The following IFNAR1 variants were observed in gnomAD, a reference collection of about 807,000 sequenced individuals.
IFNAR1 encodes interferon alpha/beta receptor 1.
Under a neutral mutation model 62.1 loss-of-function variants are expected in IFNAR1, and 47 were observed. The observed-to-expected ratio is 0.76, with a 90% CI of 0.60 to 0.97. IFNAR1 has a LOEUF of 0.97. IFNAR1 is among the 50% of genes least tolerant of loss of function. IFNAR1 has a pLI of 0.00. For missense variants in IFNAR1, 638 were observed against 654.5 expected, an observed-to-expected ratio of 0.97 and a Z score of 0.27; for synonymous variants, 219 against 226.9, an observed-to-expected ratio of 0.97 and a Z score of 0.31.
At chr21:33,335,750 T>G (rs1027199195) in intron 2 of IFNAR1, 103 bp downstream of exon 2, 17 of 977,632 alleles carry the variant, frequency 1.7e-5, no homozygotes, top group African/African-American at 1.7e-4. Flanking sequence ...GTTTTTCTAT[T>G]TTTTAGAAAT....
rs373870397 is a variant in IFNAR1, at chr21:33,330,232, G to A, written c.76+5101G>A. Among the ~76,000 whole-genome samples the A allele has an allele frequency of 1.8e-4, 28 of 152,176 alleles. No individual in the cohort carries two copies. In the South Asian group the frequency reaches 3.3e-3, roughly 18 times the overall value. On this transcript the variant is annotated intron_variant, in intron 1 of 10. Coordinates refer to ENST00000270139, the MANE Select transcript of IFNAR1 (RefSeq NM_000629.3). ...TCTTGATTGGTCATTGCTCCTTCTC[G>A]TCACAAAAGCGCAAAGAGATGGGCG...
chr21:33,334,761 TG>T (rs2083216963), intron 1 of IFNAR1: 10 of 787,740 alleles, frequency 1.3e-5, no homozygotes, highest in Non-Finnish European at 2.3e-5. Context: ...GAGGGGCAGC[TG>T]GATGTCCAGA....
chr21:33,359,529 G>C lies in IFNAR1; in HGVS notation c.*3980G>C, dbSNP rs1300912618. 1 of 152,172 alleles carries C rather than the reference G, an allele frequency of 6.6e-6. No individual in the cohort carries two copies. Among genetic ancestry groups the C allele is most frequent in the Non-Finnish European group, 1.5e-5 (1 of 68,044 alleles). 9.4% of individuals were successfully genotyped at this position (152,172 alleles called of 1,614,324 possible). A position where few individuals can be genotyped will look rare whatever the true frequency, so the allele number is the denominator to read the frequency against. ...TTCCCGCTCTTAAGACATGGCTGGA[G>C]CTCAGTCTTCATTGAATGAAGTTTG... On this transcript the variant is annotated 3_prime_UTR_variant, in exon 11 of 11. Coordinates refer to ENST00000270139, the MANE Select transcript of IFNAR1 (RefSeq NM_000629.3).
chr21:33,343,228 T>C (rs757487290), intron 3 of IFNAR1, 40 bp from the exon 4 acceptor site: 4 of 1,572,790 alleles, frequency 2.5e-6, no homozygotes, highest in Non-Finnish European at 3.5e-6. Flanking sequence ...TGGCATTGTA[T>C]TAATAAAGTT....
intron 10 of IFNAR1, among the ~76,000 whole-genome samples, chr21:33,354,141 G>A (rs1158331958): frequency 5.3e-5 from 8 of 152,156 alleles, no homozygotes; most frequent in Admixed American, 4.6e-4. Flanking sequence ...TCAGGAGTTC[G>A]AGACCAGCCT....
At chr21:33,331,268 T>A (rs951709209) in intron 1 of IFNAR1, among the ~76,000 whole-genome samples, 2 of 152,078 alleles carry the variant, frequency 1.3e-5, no homozygotes, top group Non-Finnish European at 2.9e-5. Context: ...CATGCACCCC[T>A]GTGCCTAAGC....
At chr21:33,347,548 T>C (rs774538101) in intron 6 of IFNAR1, among the ~76,000 whole-genome samples, 4 of 152,170 alleles carry the variant, frequency 2.6e-5, no homozygotes, top group Non-Finnish European at 5.9e-5. Context: ...ATTAGAGGCA[T>C]GAGCCACCAT....
intron 5 of IFNAR1, 85 bp downstream of exon 5, chr21:33,343,761 C>A: frequency 1.2e-6 from 1 of 805,966 alleles, no homozygotes; most frequent in Non-Finnish European, 2.0e-6. Flanking sequence ...CTGAAGTTTA[C>A]ATGATAGGTC....
At position 33,353,644 on chromosome 21, in the gene IFNAR1, C is replaced by T. The variant is rs1226713825; in HGVS notation, c.1301C>T (p.Thr434Ile). The T allele has an allele frequency of 3.2e-6, 5 of 1,541,006 alleles. No individual in the cohort carries two copies. Among genetic ancestry groups the T allele is most frequent in the Middle Eastern group, 1.7e-4 (1 of 5,894 alleles). ...AVCEKTKPGN[T>I]SKIWLIVGIC... ...ATCACGTATATCTTTTTAGGAAATACCTCTAAAATTTGGCTTATAGTTGGA... is the reference window on the plus strand; with the variant it reads ...ATCACGTATATCTTTTTAGGAAATATCTCTAAAATTTGGCTTATAGTTGGA... Residue 434 changes from threonine (T) to isoleucine (I), a missense_variant, in exon 10 of 11, where the codon ACC (threonine) becomes ATC (isoleucine). Transcript: ENST00000270139.
intron 1 of IFNAR1, among the ~76,000 whole-genome samples, chr21:33,333,795 T>C (rs1323687586): frequency 2.0e-5 from 3 of 151,848 alleles, no homozygotes; most frequent in Non-Finnish European, 4.4e-5. Context: ...GGCTAATTTT[T>C]TGTATTTTTA....
chr21:33,335,146 A>G (rs892405072), intron 1 of IFNAR1: 4 of 610,724 alleles, frequency 6.5e-6, no homozygotes, highest in East Asian at 5.7e-5. Flanking sequence ...ATCTCTATCT[A>G]TCTATGAACA....
intron 1 of IFNAR1, among the ~76,000 whole-genome samples, chr21:33,331,534 C>T (rs1824236641): frequency 6.6e-6 from 1 of 152,138 alleles, no homozygotes; most frequent in Non-Finnish European, 1.5e-5. Flanking sequence ...TGGACTAGTC[C>T]TCTAGAGCCT....
Position 33,353,775 on chromosome 21 carries a change from A to G in IFNAR1, c.1432A>G (p.Ile478Val), listed in dbSNP as rs2083421945. Reference sequence around the variant, plus strand: ...TCCATCACTTAAACCTTCTTCCAGTATAGATGAGGTATGTTACTTTTTTTA... The same window carrying G: ...TCCATCACTTAAACCTTCTTCCAGTGTAGATGAGGTATGTTACTTTTTTTA... ...FFPSLKPSSS[I>V]DEYFSEQPLK... is the part of the protein sequence containing the mutation. The change falls in exon 10 of 11, where the codon ATA (isoleucine) becomes GTA (valine). Residue 478 changes from isoleucine (I) to valine (V), a missense_variant. By Grantham distance (29) the Ile-to-Val change is conservative. Transcript: ENST00000270139. 1.3e-6 allele frequency: 2 copies of G among 1,569,078 alleles called. No individual in the cohort carries two copies. Among genetic ancestry groups the G allele is most frequent in the Non-Finnish European group, 1.7e-6 (2 of 1,162,236 alleles).
intron 1 of IFNAR1, among the ~76,000 whole-genome samples, chr21:33,328,574 T>C (rs2083148625): frequency 6.6e-6 from 1 of 152,214 alleles, no homozygotes; most frequent in Non-Finnish European, 1.5e-5. Flanking sequence ...AAGCTGATCC[T>C]GAAAGTTATC....
chr21:33,338,188 G>A (rs1306322577), intron 2 of IFNAR1, among the ~76,000 whole-genome samples: 1 of 152,042 alleles, frequency 6.6e-6, no homozygotes, highest in Non-Finnish European at 1.5e-5. Context: ...AAATGCAAAC[G>A]AAACCTGCCA....
upstream of IFNAR1, chr21:33,324,870 A>G (rs2083107767): frequency 2.0e-6 from 1 of 504,762 alleles, no homozygotes; most frequent in Non-Finnish European, 3.6e-6. Context: ...TGCGTGGAGG[A>G]ACGGCGCGTG....
In IFNAR1 at chr21:33,355,664, GA is replaced by G; in HGVS notation, c.*121del. On this transcript the variant is annotated 3_prime_UTR_variant, in exon 11 of 11. Transcript: ENST00000270139. ...GAGGACGTTTCCCTGTTTAGGGAAA[GA>G]AAAAACATCTTCAGATCATAGGTCC... 1 of 554,784 alleles carries G rather than the reference GA, an allele frequency of 1.8e-6. No individual in the cohort carries two copies. The highest frequency in any genetic ancestry group is 3.2e-6 in the Non-Finnish European group (1 of 314,162). 34.4% of individuals were successfully genotyped at this position (554,784 alleles called of 1,614,324 possible). A position where few individuals can be genotyped will look rare whatever the true frequency, so the allele number is the denominator to read the frequency against.
In IFNAR1 at chr21:33,355,412, A is replaced by C; in HGVS notation, c.1537A>C (p.Thr513Pro). ...FIIENISTIA[T>P]VEETNQTDED... is the part of the protein sequence containing the mutation. Reference sequence around the variant, plus strand: ...AATTGAAAATATAAGCACAATTGCTACAGTAGAAGAAACTAATCAAACTGA... The same window carrying C: ...AATTGAAAATATAAGCACAATTGCTCCAGTAGAAGAAACTAATCAAACTGA... The change falls in exon 11 of 11, where the codon ACA (threonine) becomes CCA (proline). Residue 513 changes from threonine (T) to proline (P), a missense_variant. Coordinates refer to ENST00000270139, the MANE Select transcript of IFNAR1 (RefSeq NM_000629.3). 3 of 1,599,198 alleles carry C rather than the reference A, an allele frequency of 1.9e-6. No individual in the cohort carries two copies. Among genetic ancestry groups the C allele is most frequent in the East Asian group, 4.5e-5 (2 of 44,742 alleles).
intron 6 of IFNAR1, 87 bp from the exon 7 acceptor site, chr21:33,349,004 C>A (rs986015519): frequency 2.7e-5 from 21 of 771,068 alleles, no homozygotes; most frequent in Non-Finnish European, 4.4e-5. Context: ...CTATTTATTT[C>A]TGTAACCTTA....
Sources: gnomAD v4.1 joint callset for allele counts (sites outside exome capture counted in the v4.1 genomes callset) on GRCh38, gnomAD v4.1.1 for gene constraint, MANE v1.5 for transcripts, NCBI Gene and HGNC (gene_info 2026-07-23, HGNC 2026-07-21) for gene names.